PGGT1B: variants seen among roughly 807,000 people sequenced by gnomAD.
PGGT1B encodes the protein protein geranylgeranyltransferase type I subunit beta, also known as geranylgeranyl transferase type-1 subunit beta.
A neutral mutation model predicts 46.1 loss-of-function variants in PGGT1B; 30 were observed. The ratio of observed to expected loss-of-function variants is 0.65; its 90% CI spans 0.49 to 0.88. The LOEUF (loss-of-function observed/expected upper bound fraction) is 0.88, where lower values mean the gene tolerates loss of function less well. Ranked by LOEUF, PGGT1B falls within the 40% of genes least tolerant of loss-of-function variation. The pLI is 0.00. For synonymous variants in PGGT1B, 170 were observed against 160.0 expected (o/e 1.06, Z -0.47); for missense variants, 376 against 455.9 (o/e 0.82, Z 1.60).
chr5:115,232,977 C>A (rs924568341), intron 5 of PGGT1B, among the ~76,000 whole-genome samples: 1 of 151,860 alleles, frequency 6.6e-6, no homozygotes, highest in African/African-American at 2.4e-5. Context: ...AATCATAGAA[C>A]AACCCCAGCT....
chr5:115,215,577 C>A lies in PGGT1B; in HGVS notation c.952+1288G>T, dbSNP rs116532452. ...CCTCCCAAACTGTTGGGATTACAGGCGTGAGCCAAAACTCCTGGCCTAGGA... is the reference window on the plus strand; with the variant it reads ...CCTCCCAAACTGTTGGGATTACAGGAGTGAGCCAAAACTCCTGGCCTAGGA... On this transcript the variant is annotated intron_variant, in intron 8 of 8. Transcript: ENST00000419445. Among the ~76,000 whole-genome samples, 1,022 of 152,296 alleles carry A rather than the reference C, an allele frequency of 6.7e-3. 12 individuals carry two copies. The highest frequency in any genetic ancestry group is 0.024 in the African/African-American group (981 of 41,548).
chr5:115,209,052 A>G lies in PGGT1B; in HGVS notation c.*3350T>C, dbSNP rs555032724. 6.6e-6 allele frequency: 1 copy of G among 151,972 alleles called. No homozygotes were observed. The highest frequency in any genetic ancestry group is 2.4e-5 in the African/African-American group (1 of 41,478). 9.4% of individuals were successfully genotyped at this position (151,972 alleles called of 1,614,324 possible). On this transcript the variant is annotated 3_prime_UTR_variant, in exon 9 of 9. Transcript: ENST00000419445. ...AAATGAGTTTTTCTGTACTTTTAGG[A>G]GGAAGGAGTGGCTCTAGGATGACTT...
intron 7 of PGGT1B, 132 bp from the exon 8 acceptor site, chr5:115,217,105 G>C: frequency 6.5e-6 from 4 of 612,038 alleles, no homozygotes; most frequent in East Asian, 2.8e-5. Flanking sequence ...CTGGGGCCTT[G>C]AGCACTTTTG....
At chr5:115,244,915 T>G (rs1170095119) in intron 2 of PGGT1B, among the ~76,000 whole-genome samples, 1 of 152,186 alleles carries the variant, frequency 6.6e-6, no homozygotes, top group Admixed American at 6.5e-5. Flanking sequence ...TCACTTCTTT[T>G]AATCCTTCTC....
rs1402116522 is a variant in PGGT1B, at chr5:115,208,403, T to C, written c.*3999A>G. On this transcript the variant is annotated 3_prime_UTR_variant, in exon 9 of 9. Transcript: ENST00000419445. ...GCTTGATGCTTCTTTTGGTAAGGGG[T>C]ACTTTTAACTATTTGTTTCTTCTAC... 2 of 151,980 alleles carry C rather than the reference T, an allele frequency of 1.3e-5. No homozygotes were observed. The highest frequency in any genetic ancestry group is 4.8e-5 in the African/African-American group (2 of 41,432). The allele number at this position is 151,980 out of a possible 1,614,324, so 9.4% of individuals were successfully genotyped here.
Position 115,253,178 on chromosome 5 carries a change from AT to A in PGGT1B, c.217del (p.Ile73Ter). ...GACCTGCAGGGAATAAATCCACTCT[AT>A]TATATCATCTTTGTTCACCACATCT... Reference protein sequence around the residue: ...SLDVVNKDDIIEWIYSLQVLP... With the variant: ...SLDVVNKDDIXEWIYSLQVLP... On this transcript the variant is annotated frameshift_variant, in exon 2 of 9. Coordinates refer to ENST00000419445, the MANE Select transcript of PGGT1B (RefSeq NM_005023.4). LOFTEE classifies it high-confidence loss of function. The A allele has an allele frequency of 6.2e-7, 1 of 1,607,154 alleles. No individual in the cohort carries two copies. Among genetic ancestry groups the A allele is most frequent in the Non-Finnish European group, 8.5e-7 (1 of 1,176,954 alleles).
chr5:115,234,903 C>A (rs985634031), intron 5 of PGGT1B, among the ~76,000 whole-genome samples: 1 of 152,022 alleles, frequency 6.6e-6, no homozygotes, highest in Non-Finnish European at 1.5e-5. Context: ...CCTATGTACA[C>A]ATACATTTCC....
rs1328500320 is a variant in PGGT1B, at chr5:115,241,524, C to T, written c.327+15G>A. The T allele has an allele frequency of 3.2e-6, 5 of 1,557,648 alleles. No homozygotes were observed. The highest frequency in any genetic ancestry group is 8.7e-7 in the Non-Finnish European group (1 of 1,145,348). Reference sequence around the variant, plus strand: ...TACATCCCTTCTACTTCCTTCTGAACCAAATAGAACCAACCTTTGATGGAT... The same window carrying T: ...TACATCCCTTCTACTTCCTTCTGAATCAAATAGAACCAACCTTTGATGGAT... On this transcript the variant is annotated intron_variant, in intron 3 of 8. Transcript: ENST00000419445.
At chr5:115,252,477 T>C (rs1213495588) in intron 2 of PGGT1B, among the ~76,000 whole-genome samples, 1 of 151,958 alleles carries the variant, frequency 6.6e-6, no homozygotes, top group Non-Finnish European at 1.5e-5. Flanking sequence ...TAGGAGTTTG[T>C]TTGTTTGATG....
chr5:115,246,982 A>G (rs1043007686), intron 2 of PGGT1B, among the ~76,000 whole-genome samples: 1 of 152,148 alleles, frequency 6.6e-6, no homozygotes, highest in African/African-American at 2.4e-5. Flanking sequence ...GTTTATGTGT[A>G]AGTATGCAGG....
At chr5:115,244,693 C>A (rs1049456742) in intron 2 of PGGT1B, among the ~76,000 whole-genome samples, 1 of 151,854 alleles carries the variant, frequency 6.6e-6, no homozygotes, top group Non-Finnish European at 1.5e-5. Context: ...CAGGCACAAG[C>A]AATTCTCCTG....
At chr5:115,212,608 C>A in intron 8 of PGGT1B, 25 bp from the exon 9 acceptor site, 1 of 1,487,102 alleles carries the variant, frequency 6.7e-7, no homozygotes, top group Non-Finnish European at 9.2e-7. Flanking sequence ...TTTAAAACAT[C>A]ATAATAGGCA....
rs1756061289 is a variant in PGGT1B, at chr5:115,206,297, G to C, written c.*6105C>G. 6.6e-6 allele frequency: 1 copy of C among 151,934 alleles called. No individual in the cohort carries two copies. The highest frequency in any genetic ancestry group is 1.5e-5 in the Non-Finnish European group (1 of 67,864). 9.4% of individuals were successfully genotyped at this position (151,934 alleles called of 1,614,324 possible). A position where few individuals can be genotyped will look rare whatever the true frequency, so the allele number is the denominator to read the frequency against. On this transcript the variant is annotated 3_prime_UTR_variant, in exon 9 of 9. Transcript: ENST00000419445. The stretch of plus-strand genomic sequence containing the variant: ...CCAGGAAGTATAGGCTGTGGGTATA[G>C]TATAGGCTGGGATGGGGAGAGAACT...
At chr5:115,260,554 T>C (rs1214492352) in intron 1 of PGGT1B, among the ~76,000 whole-genome samples, 1 of 152,114 alleles carries the variant, frequency 6.6e-6, no homozygotes, top group East Asian at 1.9e-4. Flanking sequence ...ATGAATCACA[T>C]GCACCACAAA....
At chr5:115,229,069 G>A (rs1318460780) in intron 6 of PGGT1B, among the ~76,000 whole-genome samples, 1 of 152,130 alleles carries the variant, frequency 6.6e-6, no homozygotes, top group African/African-American at 2.4e-5. Context: ...TTTAGAAAGA[G>A]GTTTCACTTG....
intron 1 of PGGT1B, among the ~76,000 whole-genome samples, chr5:115,253,810 G>A (rs1460646756): frequency 1.3e-5 from 2 of 151,908 alleles, no homozygotes; most frequent in Admixed American, 6.6e-5. Flanking sequence ...TCCCAGAGAG[G>A]AGCATTCTTT....
At chr5:115,219,753 C>T (rs1016410587) in intron 7 of PGGT1B, among the ~76,000 whole-genome samples, 2 of 151,458 alleles carry the variant, frequency 1.3e-5, no homozygotes, top group African/African-American at 4.8e-5. Context: ...ACAAAAGAAA[C>T]CAGATTTAAA....
Position 115,208,395 on chromosome 5 carries a change from G to C in PGGT1B, c.*4007C>G, listed in dbSNP as rs1308081295. Reference sequence around the variant, plus strand: ...CAATCTGGGCTTGATGCTTCTTTTGGTAAGGGGTACTTTTAACTATTTGTT... The same window carrying C: ...CAATCTGGGCTTGATGCTTCTTTTGCTAAGGGGTACTTTTAACTATTTGTT... On this transcript the variant is annotated 3_prime_UTR_variant, in exon 9 of 9. Coordinates refer to ENST00000419445, the MANE Select transcript of PGGT1B (RefSeq NM_005023.4). The C allele has an allele frequency of 2.0e-5, 3 of 151,878 alleles. No individual in the cohort carries two copies. The highest frequency in any genetic ancestry group is 4.4e-5 in the Non-Finnish European group (3 of 67,900). The allele number at this position is 151,878 out of a possible 1,614,324, so 9.4% of individuals were successfully genotyped here. A position where few individuals can be genotyped will look rare whatever the true frequency, so the allele number is the denominator to read the frequency against.
chr5:115,208,026 G>A lies in PGGT1B; in HGVS notation c.*4376C>T, dbSNP rs1580736063. On this transcript the variant is annotated 3_prime_UTR_variant, in exon 9 of 9. Coordinates refer to ENST00000419445, the MANE Select transcript of PGGT1B (RefSeq NM_005023.4). ...TTAACTCTTAATATGAATAGTAACAGATTATCTAGTATTGAACTACCCTTG... is the reference window on the plus strand; with the variant it reads ...TTAACTCTTAATATGAATAGTAACAAATTATCTAGTATTGAACTACCCTTG... The A allele has an allele frequency of 6.6e-6, 1 of 152,116 alleles. No individual in the cohort carries two copies. The highest frequency in any genetic ancestry group is 1.9e-4 in the East Asian group (1 of 5,188). The allele number at this position is 152,116 out of a possible 1,614,324, so 9.4% of individuals were successfully genotyped here. A position where few individuals can be genotyped will look rare whatever the true frequency, so the allele number is the denominator to read the frequency against.
Sources: gnomAD v4.1 joint callset for allele counts (sites outside exome capture counted in the v4.1 genomes callset) on GRCh38, gnomAD v4.1.1 for gene constraint, MANE v1.5 for transcripts, NCBI Gene and HGNC (gene_info 2026-07-23, HGNC 2026-07-21) for gene names.